The following SLC71A2 variants were observed in gnomAD, a reference collection of about 807,000 sequenced individuals.
The protein encoded by SLC71A2 is solute carrier family 71 member 2.
At chr9:94,454,040 T>G in the SLC71A2 span, 2 of 1,613,924 alleles carry the variant, frequency 1.2e-6, no homozygotes, top group Non-Finnish European at 8.5e-7. Flanking sequence ...ATGCTCCAGT[T>G]AGCCTGGTAC....
chr9:94,421,305 A>G, the SLC71A2 span, among the ~76,000 whole-genome samples: 8 of 152,238 alleles, frequency 5.3e-5, no homozygotes, highest in African/African-American at 1.9e-4. Context: ...ATGAATTTTT[A>G]TACAGTAAGT....
the SLC71A2 span, chr9:94,459,230 T>C: frequency 5.0e-6 from 8 of 1,614,150 alleles, no homozygotes; most frequent in East Asian, 1.8e-4. Context: ...TCTGGTTGCC[T>C]TATTCATTCC....
chr9:94,431,060 C>A, the SLC71A2 span, among the ~76,000 whole-genome samples: 1 of 152,206 alleles, frequency 6.6e-6, no homozygotes, highest in Non-Finnish European at 1.5e-5. Context: ...CGCCTGTAAT[C>A]CCAGCACTTT....
the SLC71A2 span, among the ~76,000 whole-genome samples, chr9:94,421,392 G>A: frequency 7.2e-3 from 1,094 of 152,236 alleles, 5 homozygotes; most frequent in Non-Finnish European, 0.012. Context: ...CATTTCTAAT[G>A]TGACAGTTTG....
the SLC71A2 span, among the ~76,000 whole-genome samples, chr9:94,377,846 C>A: frequency 6.6e-6 from 1 of 152,104 alleles, no homozygotes; most frequent in Non-Finnish European, 1.5e-5. Context: ...GTGGCTCACA[C>A]CTGTAATCCC....
At chr9:94,444,975 C>A in the SLC71A2 span, 7 of 1,613,882 alleles carry the variant, frequency 4.3e-6, no homozygotes, top group South Asian at 6.6e-5. Context: ...TCTCAGCCAC[C>A]TTTGCGGCTA....
chr9:94,448,305 A>G, the SLC71A2 span, among the ~76,000 whole-genome samples: 1 of 152,172 alleles, frequency 6.6e-6, no homozygotes, highest in Admixed American at 6.5e-5. Flanking sequence ...AAAAAAATTT[A>G]TACCCTATTT....
the SLC71A2 span, among the ~76,000 whole-genome samples, chr9:94,447,340 C>T: frequency 6.6e-6 from 1 of 151,948 alleles, no homozygotes; most frequent in Non-Finnish European, 1.5e-5. Flanking sequence ...CTACCATGCC[C>T]AGCCAATTTT....
At chr9:94,455,378 A>ATTTTTTTTTTTTTTTTTTTTTTTTT in the SLC71A2 span, among the ~76,000 whole-genome samples, 4 of 85,780 alleles carry the variant, frequency 4.7e-5, no homozygotes, top group South Asian at 4.4e-4. Flanking sequence ...TAATATTCTG[A>ATTTTTTTTTTTTTTTTTTTTTTTTT]TTTTTTTTTT....
the SLC71A2 span, among the ~76,000 whole-genome samples, chr9:94,397,035 G>A: frequency 1.3e-5 from 2 of 152,202 alleles, no homozygotes; most frequent in African/African-American, 4.8e-5. Flanking sequence ...CTCTCAAAGT[G>A]CTGGGATTAT....
the SLC71A2 span, chr9:94,458,375 C>T: frequency 6.2e-7 from 1 of 1,613,760 alleles, no homozygotes; most frequent in Non-Finnish European, 8.5e-7. Context: ...TGGCCTGGGG[C>T]CAGCACTGTA....
At chr9:94,452,884 T>A in the SLC71A2 span, among the ~76,000 whole-genome samples, 1 of 151,780 alleles carries the variant, frequency 6.6e-6, no homozygotes, top group African/African-American at 2.4e-5. Context: ...CAAGGCACAC[T>A]CACTATATTT....
At chr9:94,455,338 T>C in the SLC71A2 span, among the ~76,000 whole-genome samples, 179 of 141,718 alleles carry the variant, frequency 1.3e-3, 1 homozygote, top group Non-Finnish European at 2.2e-3. Flanking sequence ...CTGGCTAATA[T>C]TTTGATTTTT....
the SLC71A2 span, among the ~76,000 whole-genome samples, chr9:94,423,396 G>A: frequency 6.6e-6 from 1 of 151,916 alleles, no homozygotes; most frequent in Non-Finnish European, 1.5e-5. Context: ...GCATAGTGAC[G>A]TCGTGACCCT....
At chr9:94,456,959 T>G in the SLC71A2 span, among the ~76,000 whole-genome samples, 1 of 77,978 alleles carries the variant, frequency 1.3e-5, no homozygotes, top group Non-Finnish European at 2.6e-5. Context: ...TTCCCACCCT[T>G]CCTCCCCCCA....
the SLC71A2 span, among the ~76,000 whole-genome samples, chr9:94,427,322 T>G: frequency 6.6e-6 from 1 of 152,130 alleles, no homozygotes; most frequent in Non-Finnish European, 1.5e-5. Context: ...GTAGAAAAGT[T>G]TTTAAAAGCA....
chr9:94,444,988 C>A, the SLC71A2 span: 1 of 1,613,954 alleles, frequency 6.2e-7, no homozygotes, highest in Admixed American at 1.7e-5. Flanking sequence ...TGCGGCTAGT[C>A]TTGTCAGCAG....
the SLC71A2 span, chr9:94,458,383 G>C: frequency 1.9e-6 from 3 of 1,614,020 alleles, no homozygotes; most frequent in Non-Finnish European, 2.5e-6. Flanking sequence ...GGCCAGCACT[G>C]TATGGCTTCA....
At chr9:94,375,241 C>A in the SLC71A2 span, among the ~76,000 whole-genome samples, 1 of 151,876 alleles carries the variant, frequency 6.6e-6, no homozygotes. Flanking sequence ...GGCGCAGTTT[C>A]TCTCCAAGTC....
Sources: gnomAD v4.1 joint callset for allele counts (sites outside exome capture counted in the v4.1 genomes callset) on GRCh38, gnomAD v4.1.1 for gene constraint, MANE v1.5 for transcripts, NCBI Gene and HGNC (gene_info 2026-07-23, HGNC 2026-07-21) for gene names.